Variants in IQGAP2 observed in about 807,000 individuals in gnomAD.
IQGAP2 encodes the protein IQ motif containing GTPase activating protein 2.
In IQGAP2, 173 loss-of-function variants were observed where a neutral mutation model predicts 201.3. The ratio of observed to expected loss-of-function variants is 0.86; its 90% CI spans 0.76 to 0.98. The LOEUF (loss-of-function observed/expected upper bound fraction) is 0.98, where lower values mean the gene tolerates loss of function less well. Ranked by LOEUF, IQGAP2 falls within the 50% of genes least tolerant of loss-of-function variation. The pLI is 0.00. For missense variants in IQGAP2, 1,687 were observed against 1,864.8 expected (o/e 0.90, Z 1.76); for synonymous variants, 675 against 673.9 (o/e 1.00, Z -0.03).
chr5:76,558,328 C>T (rs1045791366), intron 2 of IQGAP2, among the ~76,000 whole-genome samples: 1 of 152,076 alleles, frequency 6.6e-6, no homozygotes, highest in African/African-American at 2.4e-5. Flanking sequence ...CCCCAATTTC[C>T]AGGTTGTTAT....
intron 1 of IQGAP2, among the ~76,000 whole-genome samples, chr5:76,451,897 C>T (rs1753776539): frequency 2.0e-5 from 3 of 152,004 alleles, no homozygotes; most frequent in South Asian, 2.1e-4. Flanking sequence ...ATTAAATGAA[C>T]GTGGTGATGT....
intron 27 of IQGAP2, among the ~76,000 whole-genome samples, chr5:76,676,085 A>T (rs867644618): frequency 0.02 from 2,791 of 141,416 alleles, 27 homozygotes; most frequent in Non-Finnish European, 0.027. Context: ...TGTCACACAC[A>T]CACACACACA....
rs1455285063 is a variant in IQGAP2 at position 76,654,963 on chromosome 5, G to T, written c.2280G>T (p.Leu760=). 1.2e-6 allele frequency: 2 copies of T among 1,612,994 alleles called. No homozygotes were observed. Among genetic ancestry groups the T allele is most frequent in the South Asian group, 2.2e-5 (2 of 90,992 alleles). The change falls in exon 20 of 36, where the codon CTG becomes CTT. Residue 760 remains leucine (L), a synonymous_variant. Transcript: ENST00000274364. ...ATGAAATTGTGAAAATACAGTCACTGTTGAGAGCGAACAAAGCTAGAGATG... is the reference window on the plus strand; with the variant it reads ...ATGAAATTGTGAAAATACAGTCACTTTTGAGAGCGAACAAAGCTAGAGATG... ...HNNEIVKIQS[L]LRANKARDDY...
intron 28 of IQGAP2, among the ~76,000 whole-genome samples, chr5:76,680,296 G>T (rs975268119): frequency 2.0e-5 from 3 of 152,198 alleles, no homozygotes; most frequent in African/African-American, 7.2e-5. Context: ...AAAGAATGTA[G>T]TTGTGCCCCT....
intron 2 of IQGAP2, among the ~76,000 whole-genome samples, chr5:76,487,350 G>T (rs994709496): frequency 3.3e-5 from 5 of 152,172 alleles, no homozygotes; most frequent in Non-Finnish European, 7.4e-5. Context: ...GCCCACCTTG[G>T]CTTCCCAAAG....
At chr5:76,499,810 T>TA (rs898032887) in intron 2 of IQGAP2, among the ~76,000 whole-genome samples, 35 of 151,380 alleles carry the variant, frequency 2.3e-4, no homozygotes, top group Middle Eastern at 3.4e-3. Flanking sequence ...TTAATTTCCT[T>TA]AAAAAAAAAT....
intron 17 of IQGAP2, among the ~76,000 whole-genome samples, chr5:76,650,683 T>TA (rs1470795555): frequency 3.9e-5 from 6 of 152,224 alleles, no homozygotes; most frequent in Admixed American, 3.9e-4. Context: ...GCAGGTTTGT[T>TA]ACATATGTAT....
intron 2 of IQGAP2, among the ~76,000 whole-genome samples, chr5:76,481,190 A>G (rs537237620): frequency 6.5e-4 from 99 of 152,262 alleles, no homozygotes; most frequent in Middle Eastern, 6.8e-3. Context: ...CAGCAGCCTT[A>G]TATGGGAACT....
chr5:76,483,676 A>G (rs1314533972), intron 2 of IQGAP2, among the ~76,000 whole-genome samples: 1 of 152,184 alleles, frequency 6.6e-6, no homozygotes, highest in Non-Finnish European at 1.5e-5. Context: ...CCTCTCCTGA[A>G]ATAAAGCTAA....
chr5:76,431,078 CAT>C (rs899772197), intron 1 of IQGAP2, among the ~76,000 whole-genome samples: 8 of 151,820 alleles, frequency 5.3e-5, no homozygotes, highest in African/African-American at 1.9e-4. Context: ...TTAACGTGTA[CAT>C]ATATATGTAA....
chr5:76,596,455 C>T (rs147076904), intron 9 of IQGAP2, among the ~76,000 whole-genome samples: 25 of 152,290 alleles, frequency 1.6e-4, no homozygotes, highest in Non-Finnish European at 3.7e-4. Context: ...AGTTTGGTAA[C>T]CAAAATTCAT....
chr5:76,532,194 T>C (rs1372693071), intron 2 of IQGAP2, among the ~76,000 whole-genome samples: 3 of 152,238 alleles, frequency 2.0e-5, no homozygotes, highest in East Asian at 1.9e-4. Context: ...TAAATGTTCA[T>C]GAAGTATGTT....
chr5:76,455,407 C>T (rs551860414), intron 1 of IQGAP2, among the ~76,000 whole-genome samples: 12 of 140,190 alleles, frequency 8.6e-5, no homozygotes, highest in Non-Finnish European at 1.8e-4. Flanking sequence ...GAGCCAAGAT[C>T]GTACTACTGC....
At chr5:76,657,290 G>A (rs990682055) in intron 20 of IQGAP2, among the ~76,000 whole-genome samples, 4 of 152,184 alleles carry the variant, frequency 2.6e-5, no homozygotes, top group South Asian at 2.1e-4. Context: ...ATGGATGAGC[G>A]GTGGTGCATT....
intron 2 of IQGAP2, among the ~76,000 whole-genome samples, chr5:76,540,556 G>C (rs1026788084): frequency 1.3e-5 from 2 of 152,210 alleles, no homozygotes; most frequent in South Asian, 4.1e-4. Context: ...ACTGGAATGA[G>C]AACAGGGAAT....
intron 2 of IQGAP2, among the ~76,000 whole-genome samples, chr5:76,471,696 T>A (rs1755119775): frequency 9.1e-6 from 1 of 110,138 alleles, no homozygotes; most frequent in Admixed American, 8.6e-5. Context: ...CAGTCAATAT[T>A]CATGATTAGT....
chr5:76,635,713 A>G (rs1329693607), intron 15 of IQGAP2, among the ~76,000 whole-genome samples: 1 of 151,952 alleles, frequency 6.6e-6, no homozygotes, highest in Non-Finnish European at 1.5e-5. Context: ...GTGTTGCATG[A>G]TCCTGTGGTC....
At chr5:76,561,290 C>A (rs1245775110) in intron 2 of IQGAP2, among the ~76,000 whole-genome samples, 1 of 152,110 alleles carries the variant, frequency 6.6e-6, no homozygotes. Flanking sequence ...TCAGTAATAA[C>A]CACTTATTAG....
At position 76,658,483 on chromosome 5, in the gene IQGAP2, C is replaced by T. The variant is rs770680903; in HGVS notation, c.2345C>T (p.Thr782Ile). The change falls in exon 21 of 36, where the codon ACA becomes ATA. Residue 782 changes from threonine (T) to isoleucine (I), a missense_variant. Coordinates refer to ENST00000274364, the MANE Select transcript of IQGAP2 (RefSeq NM_006633.5). Reference sequence around the variant, plus strand: ...GTTGGCTCTGAAAACCCACCATTAACAGTAATTCGCAAATTTGTATACCTG... The same window carrying T: ...GTTGGCTCTGAAAACCCACCATTAATAGTAATTCGCAAATTTGTATACCTG... ...TLVGSENPPL[T>I]VIRKFVYLLD... 1 of 1,613,848 alleles carries T rather than the reference C, an allele frequency of 6.2e-7. No homozygotes were observed. Among genetic ancestry groups the T allele is most frequent in the Non-Finnish European group, 8.5e-7 (1 of 1,179,888 alleles).
Sources: gnomAD v4.1 joint callset for allele counts (sites outside exome capture counted in the v4.1 genomes callset) on GRCh38, gnomAD v4.1.1 for gene constraint, MANE v1.5 for transcripts, NCBI Gene and HGNC (gene_info 2026-07-23, HGNC 2026-07-21) for gene names.